CFAP61: variants seen among roughly 807,000 people sequenced by gnomAD.
CFAP61 encodes the protein cilia- and flagella-associated protein 61.
Under a neutral mutation model 135.6 loss-of-function variants are expected in CFAP61, and 107 were observed. The observed-to-expected ratio is 0.79, with a 90% CI of 0.67 to 0.93. The LOEUF (loss-of-function observed/expected upper bound fraction) is 0.93, where lower values mean the gene tolerates loss of function less well. Ranked by LOEUF, CFAP61 falls within the 40% of genes least tolerant of loss-of-function variation. The pLI is 0.00. For synonymous variants in CFAP61, 575 were observed against 578.5 expected, an observed-to-expected ratio of 0.99 and a Z score of 0.09; for missense variants, 1,507 against 1,556.2, an observed-to-expected ratio of 0.97 and a Z score of 0.53.
intron 17 of CFAP61, among the ~76,000 whole-genome samples, chr20:20,218,254 A>T (rs1230762289): frequency 1.3e-5 from 2 of 152,064 alleles, no homozygotes; most frequent in African/African-American, 2.4e-5. Context: ...TTCCTGTGCT[A>T]TTCTCGTGGT....
intron 6 of CFAP61, among the ~76,000 whole-genome samples, chr20:20,087,253 G>C (rs1480855882): frequency 6.6e-6 from 1 of 152,128 alleles, no homozygotes; most frequent in Non-Finnish European, 1.5e-5. Context: ...ACTGAGCATA[G>C]TACTCAACAG....
chr20:20,305,528 G>T (rs137924126), intron 25 of CFAP61, among the ~76,000 whole-genome samples: 41 of 152,172 alleles, frequency 2.7e-4, no homozygotes, highest in Admixed American at 7.2e-4. Context: ...CAATTTTTTG[G>T]TCCATACCTA....
intron 6 of CFAP61, among the ~76,000 whole-genome samples, chr20:20,078,604 A>C (rs2046219655): frequency 6.6e-6 from 1 of 152,212 alleles, no homozygotes; most frequent in Admixed American, 6.5e-5. Context: ...GGAGATCATG[A>C]AATGAAGGAG....
At chr20:20,357,941 G>A (rs1173811656) in intron 26 of CFAP61, among the ~76,000 whole-genome samples, 8 of 138,298 alleles carry the variant, frequency 5.8e-5, no homozygotes, top group East Asian at 2.3e-4. Context: ...ACTGAGGGAA[G>A]GTGGTCACAC....
chr20:20,125,534 T>G (rs1051618253), intron 8 of CFAP61, among the ~76,000 whole-genome samples: 2 of 151,812 alleles, frequency 1.3e-5, no homozygotes, highest in Non-Finnish European at 2.9e-5. Flanking sequence ...TTTTGAAGGT[T>G]CCTTTTGGAA....
At chr20:20,110,451 G>C (rs1195546099) in intron 8 of CFAP61, among the ~76,000 whole-genome samples, 1 of 152,118 alleles carries the variant, frequency 6.6e-6, no homozygotes, top group Non-Finnish European at 1.5e-5. Context: ...TGCAAAAGGA[G>C]ACAGCAACAT....
intron 21 of CFAP61, chr20:20,265,578 G>T (rs2052658620): frequency 2.6e-6 from 2 of 760,326 alleles, no homozygotes; most frequent in Non-Finnish European, 4.9e-6. Flanking sequence ...CCACCAAATA[G>T]CCAGGATAAG....
intron 8 of CFAP61, among the ~76,000 whole-genome samples, chr20:20,142,223 C>T (rs2051460645): frequency 6.6e-6 from 1 of 152,198 alleles, no homozygotes; most frequent in Non-Finnish European, 1.5e-5. Flanking sequence ...TGATTATTGA[C>T]TTTCCAGAAC....
chr20:20,323,659 C>G (rs1002955682), intron 25 of CFAP61, among the ~76,000 whole-genome samples: 5 of 152,058 alleles, frequency 3.3e-5, no homozygotes, highest in African/African-American at 9.7e-5. Flanking sequence ...AACTGCAGAG[C>G]TAAATTTCTA....
chr20:20,227,668 T>C (rs1390545495), intron 17 of CFAP61, among the ~76,000 whole-genome samples: 1 of 152,242 alleles, frequency 6.6e-6, no homozygotes, highest in East Asian at 1.9e-4. Flanking sequence ...TCTGAAAGGT[T>C]GAACAACCCT....
chr20:20,357,249 T>C (rs1374772637), intron 26 of CFAP61, among the ~76,000 whole-genome samples: 2 of 32,422 alleles, frequency 6.2e-5, no homozygotes, highest in East Asian at 2.3e-3. Context: ...GTGGAGGTAG[T>C]CACACTGTGA....
At chr20:20,186,597 T>C (rs2055517630) in intron 13 of CFAP61, among the ~76,000 whole-genome samples, 1 of 152,230 alleles carries the variant, frequency 6.6e-6, no homozygotes, top group South Asian at 2.1e-4. Flanking sequence ...TAGATTTTGG[T>C]GTAAGGTGGT....
chr20:20,296,366 T>TG (rs1476086705), intron 24 of CFAP61, among the ~76,000 whole-genome samples: 14 of 101,074 alleles, frequency 1.4e-4, no homozygotes, highest in Admixed American at 2.9e-4. Context: ...TTTCCTTTCT[T>TG]CATCCCTCCT....
intron 25 of CFAP61, among the ~76,000 whole-genome samples, chr20:20,335,637 G>A (rs2058158877): frequency 6.6e-6 from 1 of 152,192 alleles, no homozygotes; most frequent in Non-Finnish European, 1.5e-5. Flanking sequence ...AGGCCCCTAT[G>A]AATGTACTCT....
At chr20:20,060,398 A>G (rs1270989026) in intron 2 of CFAP61, among the ~76,000 whole-genome samples, 1 of 152,246 alleles carries the variant, frequency 6.6e-6, no homozygotes, top group East Asian at 1.9e-4. Context: ...GAATGTCAAC[A>G]AAAATATGGA....
At chr20:20,136,271 T>C (rs2050916235) in intron 8 of CFAP61, among the ~76,000 whole-genome samples, 1 of 152,182 alleles carries the variant, frequency 6.6e-6, no homozygotes, top group African/African-American at 2.4e-5. Context: ...AATATTGATA[T>C]CTTTCTCTAG....
intron 21 of CFAP61, among the ~76,000 whole-genome samples, chr20:20,268,339 T>C (rs1324374604): frequency 1.3e-5 from 2 of 151,946 alleles, no homozygotes; most frequent in Admixed American, 1.3e-4. Context: ...GAGGGGAGAA[T>C]GGTGGATGGA....
At chr20:20,283,319 A>G (rs1243464229) in intron 22 of CFAP61, among the ~76,000 whole-genome samples, 1 of 152,138 alleles carries the variant, frequency 6.6e-6, no homozygotes, top group East Asian at 1.9e-4. Context: ...CTGATATTTA[A>G]TAATATCCCT....
chr20:20,224,965 G>A (rs1457637752), intron 17 of CFAP61, among the ~76,000 whole-genome samples: 3 of 152,138 alleles, frequency 2.0e-5, no homozygotes, highest in Non-Finnish European at 4.4e-5. Context: ...ACCCAAAACA[G>A]AATCTCCAAT....
Sources: gnomAD v4.1 joint callset for allele counts (sites outside exome capture counted in the v4.1 genomes callset) on GRCh38, gnomAD v4.1.1 for gene constraint, MANE v1.5 for transcripts, NCBI Gene and HGNC (gene_info 2026-07-23, HGNC 2026-07-21) for gene names.